Variants in USPL1 observed in about 807,000 individuals in gnomAD.
USPL1 encodes the protein ubiquitin specific peptidase like 1.
USPL1 carries 27 observed loss-of-function variants against 51.5 expected under a neutral mutation model. The ratio of observed to expected loss-of-function variants is 0.52; its 90% confidence interval spans 0.39 to 0.72. The LOEUF (loss-of-function observed/expected upper bound fraction) is 0.72. Among genes scored for constraint, USPL1 ranks in the 30% least tolerant of loss-of-function variants. The pLI is 0.00. For missense variants in USPL1, 1,226 were observed against 1,268.0 expected, an observed-to-expected ratio of 0.97 and a Z score of 0.50; for synonymous variants, 451 against 459.6, an observed-to-expected ratio of 0.98 and a Z score of 0.24.
intron 3 of USPL1, among the ~76,000 whole-genome samples, chr13:30,626,632 TTACTC>T (rs1950721238): frequency 1.3e-5 from 2 of 152,188 alleles, no homozygotes; most frequent in African/African-American, 4.8e-5. Flanking sequence ...AATTTGGAGT[TTACTC>T]TGCTGTAAAT....
chr13:30,630,321 A>C (rs538376660), intron 3 of USPL1, among the ~76,000 whole-genome samples: 3 of 152,368 alleles, frequency 2.0e-5, no homozygotes, highest in African/African-American at 7.2e-5. Context: ...TCATGAAGTC[A>C]TTAAAATTCA....
chr13:30,622,412 A>G (rs577202398), intron 3 of USPL1, among the ~76,000 whole-genome samples: 1 of 152,324 alleles, frequency 6.6e-6, no homozygotes, highest in South Asian at 2.1e-4. Context: ...GCTTTTATAT[A>G]GCAGCTCATT....
intron 6 of USPL1, among the ~76,000 whole-genome samples, chr13:30,643,766 C>T (rs986153451): frequency 5.9e-5 from 9 of 151,404 alleles, no homozygotes; most frequent in Admixed American, 2.0e-4. Flanking sequence ...TGTGCCACCA[C>T]GCCCGGCTGA....
chr13:30,618,685 A>G (rs2137589964), intron 1 of USPL1, among the ~76,000 whole-genome samples: 1 of 152,304 alleles, frequency 6.6e-6, no homozygotes, highest in South Asian at 2.1e-4. Flanking sequence ...AATAATTCAC[A>G]TTAAGGCTTC....
intron 3 of USPL1, among the ~76,000 whole-genome samples, chr13:30,629,116 G>A (rs1255787848): frequency 1.3e-5 from 2 of 152,164 alleles, no homozygotes; most frequent in Non-Finnish European, 2.9e-5. Flanking sequence ...TGAGTGTAAT[G>A]TTCAATTGGT....
In USPL1 at chr13:30,621,661, A is replaced by G. The variant is rs1425809350; in HGVS notation, c.100-103A>G. ...AAAATACCTTGTCAGGATACTTGTA[A>G]TTGAAAATTATAATTTTTTCTGGTT... On this transcript the variant is annotated intron_variant, in intron 2 of 8. Transcript: ENST00000255304. The G allele has an allele frequency of 1.7e-5, 16 of 938,528 alleles. No individual in the cohort carries two copies. In the Admixed American group the frequency reaches 1.9e-4, roughly 11 times the overall value. 58.1% of individuals were successfully genotyped at this position (938,528 alleles called of 1,614,324 possible).
intron 6 of USPL1, among the ~76,000 whole-genome samples, chr13:30,646,356 T>G (rs934273478): frequency 2.5e-5 from 3 of 119,544 alleles, no homozygotes; most frequent in East Asian, 2.0e-4. Flanking sequence ...TGTGTGTGTG[T>G]TTTTTTTTTA....
At chr13:30,627,241 T>C (rs1664844377) in intron 3 of USPL1, among the ~76,000 whole-genome samples, 1 of 152,290 alleles carries the variant, frequency 6.6e-6, no homozygotes, top group Middle Eastern at 3.4e-3. Flanking sequence ...AAATGATACA[T>C]GTTCACTGTA....
intron 7 of USPL1, among the ~76,000 whole-genome samples, chr13:30,651,331 C>T (rs1485645322): frequency 6.6e-6 from 1 of 152,184 alleles, no homozygotes; most frequent in Non-Finnish European, 1.5e-5. Context: ...TTTCTTACTA[C>T]CTAGGGGAAT....
At chr13:30,624,339 G>T (rs1048079760) in intron 3 of USPL1, among the ~76,000 whole-genome samples, 1 of 152,160 alleles carries the variant, frequency 6.6e-6, no homozygotes, top group Admixed American at 6.5e-5. Context: ...GACTGGCCAG[G>T]CACAGTGGCT....
chr13:30,654,204 T>G (rs1488976984), intron 8 of USPL1, among the ~76,000 whole-genome samples: 1 of 152,234 alleles, frequency 6.6e-6, no homozygotes, highest in Admixed American at 6.5e-5. Context: ...CATGGAAGAA[T>G]CATTTATTTA....
Position 30,642,673 on chromosome 13 carries a change from T to C in USPL1, c.1028T>C (p.Leu343Pro). The stretch of plus-strand genomic sequence containing the variant: ...TTTGCATTTCCCCTGCTCTTAAAAC[T>C]AGAAACCCACATTGAAAAGCTCTTC... ...PVFAFPLLLKLETHIEKLFLY... is the reference protein window; with the variant it reads ...PVFAFPLLLKPETHIEKLFLY... Residue 343 changes from leucine to proline, a missense_variant, in exon 6 of 9, where the codon CTA becomes CCA. Physicochemically the swap from Leu to Pro is moderately conservative, Grantham distance 98. Coordinates refer to ENST00000255304, the MANE Select transcript of USPL1 (RefSeq NM_005800.5). The C allele has an allele frequency of 6.2e-7, 1 of 1,613,994 alleles. No homozygotes were observed. The highest frequency in any genetic ancestry group is 1.1e-5 in the South Asian group (1 of 91,074).
intron 5 of USPL1, among the ~76,000 whole-genome samples, chr13:30,639,611 GT>G (rs1950920879): frequency 6.6e-6 from 1 of 152,114 alleles, no homozygotes; most frequent in East Asian, 1.9e-4. Flanking sequence ...TAGTAAGACC[GT>G]TTTTAAGTGT....
At chr13:30,636,109 A>T (rs1430132602) in intron 4 of USPL1, among the ~76,000 whole-genome samples, 1 of 152,126 alleles carries the variant, frequency 6.6e-6, no homozygotes, top group African/African-American at 2.4e-5. Context: ...AATTTTTAAA[A>T]TTCAGTTTCT....
rs934230788 is a variant in USPL1 at position 30,659,655 on chromosome 13, T to C, written c.*299T>C. On this transcript the variant is annotated 3_prime_UTR_variant, in exon 9 of 9. Transcript: ENST00000255304. ...TGACAGTTTGTACAGTTGGATGCAT[T>C]ACATTTTTAGATTTGAAGTTTTGGT... 1 of 240,890 alleles carries C rather than the reference T, an allele frequency of 4.2e-6. No homozygotes were observed. The highest frequency in any genetic ancestry group is 2.3e-5 in the African/African-American group (1 of 44,210). 14.9% of individuals were successfully genotyped at this position (240,890 alleles called of 1,614,324 possible).
chr13:30,646,835 T>C, intron 6 of USPL1, 97 bp from the exon 7 acceptor site: 1 of 1,335,334 alleles, frequency 7.5e-7, no homozygotes, highest in Admixed American at 2.5e-5. Flanking sequence ...TAAGAAAGTA[T>C]GAATCACGAA....
Position 30,646,966 on chromosome 13 carries a change from A to T in USPL1, c.1147A>T (p.Ile383Phe), listed in dbSNP as rs764931013. The change falls in exon 7 of 9, where the codon ATC becomes TTC. Residue 383 changes from isoleucine (I) to phenylalanine (F), a missense_variant. Ile to Phe is a conservative substitution (Grantham distance 21). Coordinates refer to ENST00000255304, the MANE Select transcript of USPL1 (RefSeq NM_005800.5). Reference sequence around the variant, plus strand: ...GAGTCTGGTCACCTTTACAAATGTCATCCCTGAGTGGCACCCACTTAATGC... The same window carrying T: ...GAGTCTGGTCACCTTTACAAATGTCTTCCCTGAGTGGCACCCACTTAATGC... ...MKSLVTFTNV[I>F]PEWHPLNAAH... 2 of 1,612,470 alleles carry T rather than the reference A, an allele frequency of 1.2e-6. No homozygotes were observed. Among genetic ancestry groups the T allele is most frequent in the Non-Finnish European group, 1.7e-6 (2 of 1,178,584 alleles).
At chr13:30,655,669 T>G (rs947566424) in intron 8 of USPL1, among the ~76,000 whole-genome samples, 2 of 152,224 alleles carry the variant, frequency 1.3e-5, no homozygotes, top group Non-Finnish European at 2.9e-5. Flanking sequence ...TTTAAGTAAG[T>G]GTCTCTAACA....
chr13:30,651,891 G>A (rs1204914446), intron 7 of USPL1, among the ~76,000 whole-genome samples: 1 of 152,074 alleles, frequency 6.6e-6, no homozygotes, highest in Non-Finnish European at 1.5e-5. Context: ...AGGAGGCGGA[G>A]ATTGCAGTAA....
Sources: allele counts gnomAD v4.1 joint callset (sites outside exome capture counted in the v4.1 genomes callset), GRCh38; gene constraint gnomAD v4.1.1; transcripts MANE v1.5; gene names NCBI Gene and HGNC (gene_info 2026-07-23, HGNC 2026-07-21).